FMN2: variants seen among roughly 807,000 people sequenced by gnomAD.
The protein encoded by FMN2 is formin-2.
In FMN2, 51 loss-of-function variants were observed where a neutral mutation model predicts 142.3. That is an observed-to-expected ratio of 0.36 (90% confidence interval 0.29 to 0.45). The LOEUF is 0.45. Ranked by LOEUF, FMN2 falls within the 20% of genes least tolerant of loss-of-function variation. The pLI is 1.00. For missense variants in FMN2, 1,936 were observed against 2,122.8 expected, an observed-to-expected ratio of 0.91 and a Z score of 1.73; for synonymous variants, 882 against 869.8, an observed-to-expected ratio of 1.01 and a Z score of -0.25.
intron 6 of FMN2, among the ~76,000 whole-genome samples, chr1:240,220,791 C>T (rs547360926): frequency 2.6e-5 from 4 of 151,870 alleles, no homozygotes; most frequent in Non-Finnish European, 5.9e-5. Context: ...TAGGTATACA[C>T]GTGCCATGGT....
rs543024442 is a variant in FMN2, at chr1:240,359,536, C to CT, written c.4858+3629dup. Among the ~76,000 whole-genome samples, 426 of 152,262 alleles carry CT rather than the reference C, an allele frequency of 2.8e-3. 3 individuals are homozygous for CT. The highest frequency in any genetic ancestry group is 9.8e-3 in the African/African-American group (407 of 41,552). Reference sequence around the variant, plus strand: ...TATTGTGTGGTCTGTGGTCCACACTCTAAGAGTCTTACGGAATTCATCTAG... The same window carrying CT: ...TATTGTGTGGTCTGTGGTCCACACTCTTAAGAGTCTTACGGAATTCATCTAG... On this transcript the variant is annotated intron_variant, in intron 14 of 17. Transcript: ENST00000319653.
intron 15 of FMN2, chr1:240,400,681 A>G (rs1337312073): frequency 6.6e-6 from 1 of 152,034 alleles, no homozygotes; most frequent in African/African-American, 2.4e-5. Flanking sequence ...CCCAATCTCA[A>G]CAGTGGCTCA....
In FMN2 at chr1:240,166,446, T is replaced by C. The variant is rs554021800; in HGVS notation, c.1783-11475T>C. Among the ~76,000 whole-genome samples the C allele has an allele frequency of 9.2e-5, 14 of 152,144 alleles. No homozygotes were observed. In the South Asian group the frequency reaches 2.7e-3, roughly 29 times the overall value. On this transcript the variant is annotated intron_variant, in intron 2 of 17. Transcript: ENST00000319653. ...GGTTTCACCACATTGGCCAGGCTGG[T>C]CTTCAACTTCTGACCTCAGGCGATC... is the stretch of plus-strand genomic sequence containing the variant.
At chr1:240,110,414 C>T (rs1661767089) in intron 1 of FMN2, among the ~76,000 whole-genome samples, 1 of 152,148 alleles carries the variant, frequency 6.6e-6, no homozygotes, top group Non-Finnish European at 1.5e-5. Flanking sequence ...AAATAAAATA[C>T]TTTTTACTTT....
chr1:240,439,755 C>T (rs1675542732), intron 16 of FMN2, among the ~76,000 whole-genome samples: 2 of 152,154 alleles, frequency 1.3e-5, no homozygotes, highest in Non-Finnish European at 2.9e-5. Context: ...TCTTTTCCTT[C>T]AGACTAAGTC....
At chr1:240,337,699 C>T (rs1671611300) in intron 13 of FMN2, among the ~76,000 whole-genome samples, 1 of 152,294 alleles carries the variant, frequency 6.6e-6, no homozygotes, top group East Asian at 1.9e-4. Flanking sequence ...CATAGTAGCT[C>T]ATCTGCTGGC....
At chr1:240,148,380 AG>A (rs1663599346) in intron 2 of FMN2, among the ~76,000 whole-genome samples, 1 of 144,116 alleles carries the variant, frequency 6.9e-6, no homozygotes, top group African/African-American at 2.9e-5. Flanking sequence ...AGAGAGAGAG[AG>A]AAAGACAGAG....
intron 1 of FMN2, 82 bp downstream of exon 1, chr1:240,093,806 C>A: frequency 9.6e-7 from 1 of 1,037,850 alleles, no homozygotes; most frequent in Non-Finnish European, 1.3e-6. Flanking sequence ...CCTCCCTGGG[C>A]TCTGGAAGGC....
intron 4 of FMN2, among the ~76,000 whole-genome samples, chr1:240,197,059 T>TGGTCCACAGAA (rs1665938965): frequency 6.6e-6 from 1 of 152,202 alleles, no homozygotes; most frequent in Non-Finnish European, 1.5e-5. Flanking sequence ...AGGATGGGGC[T>TGGTCCACAGAA]GGTCCACAGA....
chr1:240,147,778 G>C (rs1663552926), intron 2 of FMN2, among the ~76,000 whole-genome samples: 1 of 152,154 alleles, frequency 6.6e-6, no homozygotes, highest in South Asian at 2.1e-4. Context: ...GGCTAGGTCG[G>C]CAGCTTCATC....
intron 16 of FMN2, among the ~76,000 whole-genome samples, chr1:240,442,699 C>T (rs756849432): frequency 2.0e-5 from 3 of 152,118 alleles, no homozygotes; most frequent in African/African-American, 4.8e-5. Context: ...TTCTAATTTG[C>T]GTCTGATTAC....
rs1667075625 is a variant in FMN2 at position 240,220,696 on chromosome 1, T to TGA, written c.4065+9461_4065+9462insGA. Among the ~76,000 whole-genome samples, 3 of 148,056 alleles carry TGA rather than the reference T, an allele frequency of 2.0e-5. No homozygotes were observed. In the South Asian group the frequency reaches 6.5e-4, roughly 32 times the overall value. ...GTGTGTGTGTGTGTGTGTGTGTGTG[T>TGA]TATTAATCCCATTTTATTTATTTAT... On this transcript the variant is annotated intron_variant, in intron 6 of 17. Transcript: ENST00000319653.
At chr1:240,349,395 A>G (rs1413940817) in intron 13 of FMN2, among the ~76,000 whole-genome samples, 2 of 152,180 alleles carry the variant, frequency 1.3e-5, no homozygotes, top group Non-Finnish European at 1.5e-5. Context: ...GTAGATGCCA[A>G]TGAAACTTTC....
chr1:240,324,174 A>C (rs773677221), intron 8 of FMN2, among the ~76,000 whole-genome samples: 1 of 152,184 alleles, frequency 6.6e-6, no homozygotes, highest in Non-Finnish European at 1.5e-5. Flanking sequence ...CCTGCTTTAC[A>C]TTCCTAACAC....
rs1402855160 is a variant in FMN2 at position 240,208,477 on chromosome 1, C to G, written c.3665C>G (p.Ala1222Gly). ...GGTATGGGGATTCCACCTGCTCCAG[C>G]TCCCCCACTCCCTCCACCTGGGACA... ...LPGMGIPPAP[A>G]PPLPPPGTGI... Residue 1222 changes from alanine to glycine, a missense_variant, in exon 5 of 18, where the codon GCT becomes GGT. Ala to Gly is a moderately conservative substitution (Grantham distance 60). Transcript: ENST00000319653. 6 of 1,610,668 alleles carry G rather than the reference C, an allele frequency of 3.7e-6. No individual in the cohort carries two copies. The African/African-American group carries it at 8.1e-5, about 22-fold the overall frequency.
At chr1:240,349,257 T>G (rs767200702) in intron 13 of FMN2, among the ~76,000 whole-genome samples, 1 of 152,218 alleles carries the variant, frequency 6.6e-6, no homozygotes, top group Non-Finnish European at 1.5e-5. Flanking sequence ...GAACCCAGAA[T>G]AATGTACAAA....
At chr1:240,242,403 C>A in intron 6 of FMN2, among the ~76,000 whole-genome samples, 1 of 152,158 alleles carries the variant, frequency 6.6e-6, no homozygotes, top group East Asian at 1.9e-4. Context: ...CTTACTTGCA[C>A]ATATTTGAAA....
chr1:240,424,048 T>G (rs1040384593), intron 15 of FMN2, among the ~76,000 whole-genome samples: 1 of 152,208 alleles, frequency 6.6e-6, no homozygotes, highest in African/African-American at 2.4e-5. Flanking sequence ...GGAGGTTGAA[T>G]TAAACAAATT....
chr1:240,366,928 T>G (rs1672692218), intron 14 of FMN2, among the ~76,000 whole-genome samples: 1 of 152,198 alleles, frequency 6.6e-6, no homozygotes, highest in Non-Finnish European at 1.5e-5. Flanking sequence ...ACATCCATAC[T>G]CCCTTTTTGT....
Sources: gnomAD v4.1 joint callset for allele counts (sites outside exome capture counted in the v4.1 genomes callset) on GRCh38, gnomAD v4.1.1 for gene constraint, MANE v1.5 for transcripts, NCBI Gene and HGNC (gene_info 2026-07-23, HGNC 2026-07-21) for gene names.